Variants in DOCK2 observed in about 807,000 individuals in gnomAD.
DOCK2 encodes dedicator of cytokinesis protein 2.
DOCK2 carries 87 observed loss-of-function variants against 248.9 expected under a neutral mutation model. The ratio of observed to expected loss-of-function variants is 0.35; its 90% confidence interval spans 0.29 to 0.42. DOCK2 has a LOEUF of 0.42. Among genes scored for constraint, DOCK2 ranks in the 10% least tolerant of loss-of-function variants. DOCK2 has a pLI of 1.00. For missense variants in DOCK2, 1,747 were observed against 2,300.2 expected (o/e 0.76, Z 4.92); for synonymous variants, 805 against 821.6 (o/e 0.98, Z 0.35).
intron 27 of DOCK2, among the ~76,000 whole-genome samples, chr5:169,982,254 G>A (rs1401758142): frequency 6.6e-6 from 1 of 152,020 alleles, no homozygotes; most frequent in Non-Finnish European, 1.5e-5. Context: ...TTGTTTACCA[G>A]GTTCCAGAAT....
intron 27 of DOCK2, among the ~76,000 whole-genome samples, chr5:169,851,982 G>T (rs1464570892): frequency 6.6e-6 from 1 of 152,142 alleles, no homozygotes; most frequent in African/African-American, 2.4e-5. Context: ...CATGCCTCGT[G>T]TTTCTGCAGA....
At chr5:169,826,253 C>A (rs953477917) in intron 26 of DOCK2, among the ~76,000 whole-genome samples, 2 of 152,108 alleles carry the variant, frequency 1.3e-5, no homozygotes, top group African/African-American at 4.8e-5. Flanking sequence ...AAAGAACAAG[C>A]AACTTTGCCT....
chr5:169,974,607 A>G (rs1207513547), intron 27 of DOCK2, among the ~76,000 whole-genome samples: 1 of 152,148 alleles, frequency 6.6e-6, no homozygotes, highest in Non-Finnish European at 1.5e-5. Context: ...TGCAGGAAAG[A>G]GTGGGAGCGG....
intron 27 of DOCK2, among the ~76,000 whole-genome samples, chr5:169,921,880 CAT>C (rs758398980): frequency 1.3e-5 from 2 of 152,044 alleles, no homozygotes; most frequent in East Asian, 3.9e-4. Flanking sequence ...ACTGAAGGAA[CAT>C]AGTAAATAAT....
chr5:169,877,800 T>C (rs535068686), intron 27 of DOCK2, among the ~76,000 whole-genome samples: 4 of 152,268 alleles, frequency 2.6e-5, no homozygotes, highest in Admixed American at 2.6e-4. Flanking sequence ...AGGTGGACCC[T>C]GGACAAACAA....
At position 170,057,572 on chromosome 5, in the gene DOCK2, A is replaced by T. The variant is rs747463285; in HGVS notation, c.4381-8A>T. On this transcript the variant is annotated splice_polypyrimidine_tract_variant and splice_region_variant and intron_variant, in intron 43 of 51. Coordinates refer to ENST00000520908, the MANE Select transcript of DOCK2 (RefSeq NM_004946.3). ...TCCTGCCCTTGCCACCCCTCTGCCC[A>T]CGGACAGTCCATGTGGATTGAGAGA... 1 of 1,614,000 alleles carries T rather than the reference A, an allele frequency of 6.2e-7. No homozygotes were observed. The highest frequency in any genetic ancestry group is 8.5e-7 in the Non-Finnish European group (1 of 1,179,866).
intron 15 of DOCK2, among the ~76,000 whole-genome samples, chr5:169,710,209 T>C (rs1761498914): frequency 6.6e-6 from 1 of 152,206 alleles, no homozygotes; most frequent in African/African-American, 2.4e-5. Context: ...TCTCTGAATC[T>C]GAAATGACCC....
chr5:169,929,733 C>A (rs1163235867), intron 27 of DOCK2, among the ~76,000 whole-genome samples: 3 of 141,640 alleles, frequency 2.1e-5, no homozygotes, highest in South Asian at 2.3e-4. Flanking sequence ...CAGAGTGAGA[C>A]CCTGTCTCAA....
chr5:169,960,154 C>T (rs1378888477), intron 27 of DOCK2, among the ~76,000 whole-genome samples: 2 of 152,128 alleles, frequency 1.3e-5, no homozygotes, highest in South Asian at 2.1e-4. Context: ...TCTCTGAGTT[C>T]TTTTATAAGT....
At chr5:169,818,503 A>C (rs1358983471) in intron 26 of DOCK2, among the ~76,000 whole-genome samples, 1 of 152,194 alleles carries the variant, frequency 6.6e-6, no homozygotes, top group African/African-American at 2.4e-5. Context: ...GCCTCAGCTT[A>C]TCTCTCCATG....
intron 9 of DOCK2, among the ~76,000 whole-genome samples, chr5:169,690,191 A>G (rs757789731): frequency 6.6e-6 from 1 of 151,908 alleles, no homozygotes; most frequent in Non-Finnish European, 1.5e-5. Context: ...TACAGGTGTG[A>G]GCCACCTCAC....
At chr5:169,850,966 G>A (rs7717087) in intron 27 of DOCK2, among the ~76,000 whole-genome samples, 16,798 of 152,136 alleles carry the variant, frequency 0.11, 1,025 homozygotes, top group African/African-American at 0.15. Context: ...CCATCTTTCC[G>A]GTTGTTCGTT....
chr5:169,752,726 T>A (rs185742075), intron 23 of DOCK2, among the ~76,000 whole-genome samples: 1 of 152,174 alleles, frequency 6.6e-6, no homozygotes, highest in East Asian at 1.9e-4. Context: ...ATAATGCCAC[T>A]GCATTTCAGC....
chr5:169,820,975 C>G (rs1034799727), intron 26 of DOCK2, among the ~76,000 whole-genome samples: 3 of 152,160 alleles, frequency 2.0e-5, no homozygotes, highest in Admixed American at 2.0e-4. Context: ...GACGAATGCA[C>G]AAGCTTCAGT....
At chr5:169,916,229 A>T (rs1774869230) in intron 27 of DOCK2, among the ~76,000 whole-genome samples, 1 of 152,202 alleles carries the variant, frequency 6.6e-6, no homozygotes, top group Non-Finnish European at 1.5e-5. Flanking sequence ...TCTTCTAAAC[A>T]AGTTACCTCT....
intron 2 of DOCK2, among the ~76,000 whole-genome samples, chr5:169,662,650 G>GGA (rs964348750): frequency 6.6e-6 from 1 of 152,168 alleles, no homozygotes; most frequent in African/African-American, 2.4e-5. Flanking sequence ...CATGGCAGCA[G>GGA]GAGAGAGAGA....
chr5:169,977,085 G>T (rs926576844), intron 27 of DOCK2, among the ~76,000 whole-genome samples: 2 of 152,188 alleles, frequency 1.3e-5, no homozygotes. Context: ...CTAAGTTTTC[G>T]ATGAAGACAG....
rs1757486704 is a variant in DOCK2 at position 170,066,113 on chromosome 5, G to A, written c.4468-1397G>A. 1.1e-4 allele frequency among the ~76,000 whole-genome samples: 17 copies of A among 152,126 alleles called. 1 individual carries two copies. In the South Asian group the frequency reaches 3.5e-3, roughly 32 times the overall value. On this transcript the variant is annotated intron_variant, in intron 44 of 51. Transcript: ENST00000520908. ...ACTACAGGCGCCCGCCACAACGCCT[G>A]GCTAATTTTTGTATTTTTAGTAGAG...
intron 19 of DOCK2, 33 bp downstream of exon 19, chr5:169,714,490 C>A: frequency 1.2e-6 from 2 of 1,609,878 alleles, no homozygotes; most frequent in Non-Finnish European, 1.7e-6. Context: ...TGTATTCTTA[C>A]ACTAGTGACA....
Sources: allele counts gnomAD v4.1 joint callset (sites outside exome capture counted in the v4.1 genomes callset), GRCh38; gene constraint gnomAD v4.1.1; transcripts MANE v1.5; gene names NCBI Gene and HGNC (gene_info 2026-07-23, HGNC 2026-07-21).